Variants in RFLNA observed in about 807,000 individuals in gnomAD.
RFLNA encodes refilin-A.
Under a neutral mutation model 7.8 loss-of-function variants are expected in RFLNA, and 5 were observed. The ratio of observed to expected loss-of-function variants is 0.64; its 90% CI spans 0.34 to 1.35. The LOEUF is 1.35. Among genes scored for constraint, RFLNA ranks in the 40% most tolerant of loss-of-function variants. The pLI, the probability that RFLNA is intolerant of heterozygous loss-of-function variation, is 0.04. For missense variants in RFLNA, 278 were observed against 305.5 expected, an observed-to-expected ratio of 0.91 and a Z score of 0.67; for synonymous variants, 141 against 131.3, an observed-to-expected ratio of 1.07 and a Z score of -0.50.
At chr12:124,298,064 T>C (rs559669797) in intron 1 of RFLNA, among the ~76,000 whole-genome samples, 1 of 152,346 alleles carries the variant, frequency 6.6e-6, no homozygotes, top group Admixed American at 6.5e-5. Context: ...GGTTTCCATG[T>C]GGGCCTCAGG....
chr12:124,290,292 ATG>A (rs1282931645), upstream of RFLNA, among the ~76,000 whole-genome samples: 12 of 151,956 alleles, frequency 7.9e-5, no homozygotes, highest in Middle Eastern at 3.2e-3. The surrounding 1 kb of genome is among the most constrained non-coding windows in gnomAD (Gnocchi z 4.0). Context: ...ATGTATGTGC[ATG>A]TGTTAGTGTG....
In RFLNA at chr12:124,306,826, A is replaced by C. The variant is rs1280358279; in HGVS notation, c.208-4992A>C. On this transcript the variant is annotated intron_variant, in intron 1 of 2. Coordinates refer to ENST00000546355, the MANE Select transcript of RFLNA (RefSeq NM_001365156.1). The surrounding 1 kb of genome is among the most constrained non-coding windows in gnomAD (Gnocchi z 5.2). The stretch of plus-strand genomic sequence containing the variant: ...GCGGCGGGGAGGGGACAGATGTAGG[A>C]GATATCAAGCTAGGTCCCTGCAGGA... Among the ~76,000 whole-genome samples, 1 of 152,090 alleles carries C rather than the reference A, an allele frequency of 6.6e-6. No homozygotes were observed. Among genetic ancestry groups the C allele is most frequent in the Non-Finnish European group, 1.5e-5 (1 of 68,010 alleles).
rs2034055667 is a variant in RFLNA, at chr12:124,302,525, T to TG, written c.207+6894dup. On this transcript the variant is annotated intron_variant, in intron 1 of 2. Transcript: ENST00000546355. Reference sequence around the variant, plus strand: ...ATTCAGGTGCCCCATAGTGCCACGTTGGGGGAGATCGAGAAAGACCCACCC... The same window carrying TG: ...ATTCAGGTGCCCCATAGTGCCACGTTGGGGGGAGATCGAGAAAGACCCACCC... Among the ~76,000 whole-genome samples, 7 of 152,042 alleles carry TG rather than the reference T, an allele frequency of 4.6e-5. No homozygotes were observed. In the South Asian group the frequency reaches 1.5e-3, roughly 32 times the overall value.
chr12:124,301,538 T>C (rs1182341820), intron 1 of RFLNA, among the ~76,000 whole-genome samples: 1 of 152,190 alleles, frequency 6.6e-6, no homozygotes, highest in Non-Finnish European at 1.5e-5. Flanking sequence ...TGGACACTCC[T>C]GGTGTGCCAT....
intron 1 of RFLNA, among the ~76,000 whole-genome samples, chr12:124,302,812 A>AGGGGCCGAGGTCAGAGGGCCGAGGTCAG (rs2034064618): frequency 2.3e-5 from 3 of 128,788 alleles, no homozygotes; most frequent in South Asian, 2.6e-4. Flanking sequence ...GGCTGAGGTC[A>AGGGGCCGAGGTCAGAGGGCCGAGGTCAG]GGGGCCGAGG....
At position 124,314,506 on chromosome 12, in the gene RFLNA, T is replaced by G; in HGVS notation, c.632T>G (p.Leu211Arg). ...TGCCAGGACCCTGCCCCCAGCCTCC[T>G]GGGCCCTGCCACGCTCTGACGGGGC... ...QLCQDPAPSL[L>R]GPATL Residue 211 changes from leucine to arginine, a missense_variant, in exon 3 of 3, where the codon CTG becomes CGG. Coordinates refer to ENST00000546355, the MANE Select transcript of RFLNA (RefSeq NM_001365156.1). The G allele has an allele frequency of 6.3e-7, 1 of 1,588,384 alleles. No homozygotes were observed. The highest frequency in any genetic ancestry group is 1.1e-5 in the South Asian group (1 of 90,178).
At chr12:124,290,248 G>T (rs1175317490), upstream of RFLNA, among the ~76,000 whole-genome samples, 1 of 152,036 alleles carries the variant, frequency 6.6e-6, no homozygotes, top group Non-Finnish European at 1.5e-5. This position sits in a 1 kb window ranked among gnomAD's most constrained non-coding sequence, Gnocchi z 4.0. Context: ...GTAGACATGC[G>T]TGTATACGTG....
chr12:124,296,851 G>C (rs2033938302), intron 1 of RFLNA, among the ~76,000 whole-genome samples: 1 of 152,232 alleles, frequency 6.6e-6, no homozygotes, highest in South Asian at 2.1e-4. Flanking sequence ...CAGTCTCCCT[G>C]GGTGATTGTA....
At position 124,314,528 on chromosome 12, in the gene RFLNA, G is replaced by C; in HGVS notation, c.*3G>C. On this transcript the variant is annotated 3_prime_UTR_variant, in exon 3 of 3. Coordinates refer to ENST00000546355, the MANE Select transcript of RFLNA (RefSeq NM_001365156.1). ...TCCTGGGCCCTGCCACGCTCTGACG[G>C]GGCTGGGGCCGGCCCGGGGTGCTGG... 2 of 1,571,236 alleles carry C rather than the reference G, an allele frequency of 1.3e-6. No individual in the cohort carries two copies. The highest frequency in any genetic ancestry group is 1.7e-6 in the Non-Finnish European group (2 of 1,165,220).
Position 124,310,762 on chromosome 12 carries a change from TG to T in RFLNA, c.208-1052del, listed in dbSNP as rs988188201. ...GAAAGAACTTCCCAGCGTGGAGCTG[TG>T]GGGTGGATTTGGGAGGGGAACAGAG... On this transcript the variant is annotated intron_variant, in intron 1 of 2. Coordinates refer to ENST00000546355, the MANE Select transcript of RFLNA (RefSeq NM_001365156.1). Among the ~76,000 whole-genome samples the T allele has an allele frequency of 9.2e-5, 14 of 152,090 alleles. No homozygotes were observed. The South Asian group carries it at 1.0e-3, about 11-fold the overall frequency.
upstream of RFLNA, among the ~76,000 whole-genome samples, chr12:124,294,335 C>T (rs1327352686): frequency 2.6e-5 from 4 of 152,184 alleles, no homozygotes; most frequent in Non-Finnish European, 5.9e-5. Context: ...CCCCCAGCTG[C>T]CCCGCTTGCA....
At chr12:124,308,601 G>T (rs1831414589) in intron 1 of RFLNA, among the ~76,000 whole-genome samples, 2 of 152,210 alleles carry the variant, frequency 1.3e-5, no homozygotes, top group Non-Finnish European at 2.9e-5. Flanking sequence ...GGGTCTGCAG[G>T]TTTCAGACCA....
intron 1 of RFLNA, among the ~76,000 whole-genome samples, chr12:124,303,597 G>A (rs2034085695): frequency 6.6e-6 from 1 of 152,204 alleles, no homozygotes; most frequent in Non-Finnish European, 1.5e-5. Flanking sequence ...TGCCCGAGAA[G>A]CACTTGTTCT....
At position 124,311,866 on chromosome 12, in the gene RFLNA, A is replaced by T; in HGVS notation, c.256A>T (p.Met86Leu). 6.3e-7 allele frequency: 1 copy of T among 1,588,462 alleles called. No individual in the cohort carries two copies. The highest frequency in any genetic ancestry group is 1.4e-5 in the African/African-American group (1 of 73,364). ...CCCGGCGTCGGAGATGAGGCCCCGG[A>T]TGCTGCCAGTGTTCTTTGGGGAGAG... is the stretch of plus-strand genomic sequence containing the variant. Reference protein sequence around the residue: ...NPPASEMRPRMLPVFFGESIK... With the variant: ...NPPASEMRPRLLPVFFGESIK... Residue 86 changes from methionine to leucine, a missense_variant, in exon 2 of 3, where the codon ATG (methionine) becomes TTG (leucine). Transcript: ENST00000546355.
intron 1 of RFLNA, among the ~76,000 whole-genome samples, chr12:124,301,894 A>G (rs570503868): frequency 1.3e-5 from 2 of 152,284 alleles, no homozygotes; most frequent in East Asian, 3.9e-4. Flanking sequence ...GTGGCTTAAC[A>G]CAGAAGAAAT....
chr12:124,292,597 G>A (rs994132964), upstream of RFLNA, among the ~76,000 whole-genome samples: 1 of 152,208 alleles, frequency 6.6e-6, no homozygotes, highest in Non-Finnish European at 1.5e-5. Context: ...GGGGCCATCA[G>A]TGTGGGCTGC....
intron 2 of RFLNA, among the ~76,000 whole-genome samples, chr12:124,313,678 C>CA (rs11310797): frequency 0.015 from 2,116 of 139,170 alleles, 47 homozygotes; most frequent in African/African-American, 0.052. Context: ...GACTCCGTCT[C>CA]AAAAAAAAAA....
chr12:124,305,107 T>C (rs1231450200), intron 1 of RFLNA, among the ~76,000 whole-genome samples: 1 of 152,222 alleles, frequency 6.6e-6, no homozygotes, highest in Non-Finnish European at 1.5e-5. Context: ...CTTGTTTTTG[T>C]GAAGTGATTG....
In RFLNA at chr12:124,314,763, T is replaced by C; in HGVS notation, c.*238T>C. The C allele has an allele frequency of 1.3e-6, 1 of 764,336 alleles. No individual in the cohort carries two copies. The highest frequency in any genetic ancestry group is 2.2e-6 in the Non-Finnish European group (1 of 444,656). The allele number at this position is 764,336 out of a possible 1,614,324, so 47.3% of individuals were successfully genotyped here. On this transcript the variant is annotated 3_prime_UTR_variant, in exon 3 of 3. Transcript: ENST00000546355. ...GTAAAAGCATCTATTTTTTTAGCAC[T>C]TAAGCTGGCAAGGCGGTAGGGGCAT...
Sources: gnomAD v4.1 joint callset for allele counts (sites outside exome capture counted in the v4.1 genomes callset) on GRCh38, gnomAD v4.1.1 for gene constraint, Gnocchi (gnomAD v3.1) non-coding constraint, MANE v1.5 for transcripts, NCBI Gene and HGNC (gene_info 2026-07-23, HGNC 2026-07-21) for gene names.